Variants in GSE1 observed in about 807,000 individuals in gnomAD.
The protein encoded by GSE1 is Gse1 coiled-coil protein.
A neutral mutation model predicts 112.6 loss-of-function variants in GSE1; 32 were observed. The observed-to-expected ratio is 0.28, with a 90% CI of 0.21 to 0.38. The LOEUF (loss-of-function observed/expected upper bound fraction) is 0.38. GSE1 is among the 10% of genes least tolerant of loss of function. GSE1 has a pLI of 1.00. For synonymous variants in GSE1, 1,115 were observed against 735.6 expected (o/e 1.52, Z -8.35); for missense variants, 2,348 against 1,699.2 (o/e 1.38, Z -6.71).
intron 1 of GSE1, among the ~76,000 whole-genome samples, chr16:85,177,716 A>G (rs550693508): frequency 5.0e-4 from 76 of 152,298 alleles, no homozygotes; most frequent in African/African-American, 1.7e-3. Flanking sequence ...GAACGGGAGC[A>G]TGACTTCATC....
chr16:85,289,403 T>A (rs2045138856), intron 1 of GSE1, among the ~76,000 whole-genome samples: 1 of 152,168 alleles, frequency 6.6e-6, no homozygotes, highest in Admixed American at 6.5e-5. Context: ...CCTGACACAC[T>A]CGTGTCCAGG....
At chr16:85,169,687 G>A (rs1355789436) in exon 1 of GSE1, 13 of 983,258 alleles carry the variant, frequency 1.3e-5, no homozygotes, top group Non-Finnish European at 1.6e-5. Flanking sequence ...GGCGGGCGCG[G>A]GGACCCCGGC....
At chr16:85,356,500 T>C (rs1237109487) in intron 1 of GSE1, among the ~76,000 whole-genome samples, 1 of 152,176 alleles carries the variant, frequency 6.6e-6, no homozygotes, top group Non-Finnish European at 1.5e-5. Context: ...CTAGAAGAAA[T>C]ATCTGTGTTA....
At chr16:85,332,374 G>T (rs909308332) in intron 1 of GSE1, among the ~76,000 whole-genome samples, 1 of 152,176 alleles carries the variant, frequency 6.6e-6, no homozygotes, top group African/African-American at 2.4e-5. Context: ...TGCACTGCAG[G>T]TGCTTTGTCC....
intron 1 of GSE1, among the ~76,000 whole-genome samples, chr16:85,620,577 C>T (rs969373780): frequency 6.6e-6 from 1 of 152,238 alleles, no homozygotes; most frequent in African/African-American, 2.4e-5. Flanking sequence ...CCGATCCACG[C>T]GGTCGTCTCT....
intron 1 of GSE1, among the ~76,000 whole-genome samples, chr16:85,326,719 G>C (rs1417016091): frequency 6.6e-6 from 1 of 152,178 alleles, no homozygotes. Flanking sequence ...AGCAGCGTGA[G>C]AACAGACTAA....
intron 2 of GSE1, among the ~76,000 whole-genome samples, chr16:85,471,231 GT>G (rs1333440052): frequency 2.0e-5 from 3 of 152,190 alleles, no homozygotes; most frequent in Non-Finnish European, 4.4e-5. Flanking sequence ...GTGGGGGCAG[GT>G]CCCCAGCTCC....
chr16:85,649,033 C>A (rs185698657), intron 3 of GSE1, among the ~76,000 whole-genome samples: 17 of 152,268 alleles, frequency 1.1e-4, no homozygotes, highest in African/African-American at 3.6e-4. Context: ...CACAAGTTCA[C>A]AATCCGGGGG....
At chr16:85,589,941 G>T (rs1247124657) in intron 1 of GSE1, among the ~76,000 whole-genome samples, 2 of 152,132 alleles carry the variant, frequency 1.3e-5, no homozygotes, top group East Asian at 3.8e-4. Flanking sequence ...GAACGTGTGT[G>T]ACATTGTGGG....
chr16:85,465,083 C>T (rs537936412), intron 2 of GSE1, among the ~76,000 whole-genome samples: 1 of 152,252 alleles, frequency 6.6e-6, no homozygotes, highest in Non-Finnish European at 1.5e-5. Context: ...GGTCACGCCC[C>T]CAGCCAGCCA....
chr16:85,463,296 A>G (rs1376096088), intron 2 of GSE1, among the ~76,000 whole-genome samples: 1 of 152,140 alleles, frequency 6.6e-6, no homozygotes, highest in Non-Finnish European at 1.5e-5. Flanking sequence ...CCGCCTCCTC[A>G]TGCTGTCAAC....
intron 1 of GSE1, among the ~76,000 whole-genome samples, chr16:85,198,456 G>A (rs1452997247): frequency 2.0e-5 from 3 of 152,162 alleles, no homozygotes; most frequent in African/African-American, 7.2e-5. Context: ...GTCCCCGGCT[G>A]CCAGGAGCTG....
At chr16:85,609,293 C>CAGTG (rs2151522908), upstream of GSE1, among the ~76,000 whole-genome samples, 1 of 152,362 alleles carries the variant, frequency 6.6e-6, no homozygotes, top group South Asian at 2.1e-4. Flanking sequence ...AGCTGGAGTG[C>CAGTG]AGTGGCACAA....
chr16:85,525,175 G>A (rs1450557773), intron 2 of GSE1, among the ~76,000 whole-genome samples: 1 of 152,150 alleles, frequency 6.6e-6, no homozygotes, highest in Non-Finnish European at 1.5e-5. Context: ...CCGGCCCAGT[G>A]GTTTCATCAG....
intron 2 of GSE1, among the ~76,000 whole-genome samples, chr16:85,395,155 G>C (rs747349042): frequency 5.3e-5 from 8 of 152,108 alleles, no homozygotes; most frequent in Non-Finnish European, 1.2e-4. Context: ...GGGGCAAGCT[G>C]GGGTAGGCCT....
At position 85,648,746 on chromosome 16, in the gene GSE1, C is replaced by A. The variant is rs779863020; in HGVS notation, c.421C>A (p.Arg141=). The A allele has an allele frequency of 1.3e-5, 21 of 1,578,874 alleles. No individual in the cohort carries two copies. Among genetic ancestry groups the A allele is most frequent in the African/African-American group, 1.4e-5 (1 of 73,346 alleles). The part of the protein sequence containing the change: ...TVNGVWRSES[R]QDAGSRSSSG... The stretch of plus-strand genomic sequence containing the variant: ...GAATGGTGTCTGGAGGAGTGAGAGC[C>A]GGCAGGTGAGTGGGGCGGGGCAGGG... Residue 141 remains arginine, a synonymous_variant, in exon 3 of 16, where the codon CGG becomes AGG. Coordinates refer to ENST00000253458, the MANE Select transcript of GSE1 (RefSeq NM_014615.5).
At chr16:85,465,987 G>T (rs553658709) in intron 2 of GSE1, among the ~76,000 whole-genome samples, 1 of 152,222 alleles carries the variant, frequency 6.6e-6, no homozygotes, top group African/African-American at 2.4e-5. Context: ...CCTTAAAATT[G>T]TTTCCAAGTC....
rs554176508 is a variant in GSE1 at position 85,497,056 on chromosome 16, G to C, written c.2465-136858G>C. Among the ~76,000 whole-genome samples the C allele has an allele frequency of 2.6e-5, 4 of 152,184 alleles. No homozygotes were observed. The East Asian group carries it at 5.8e-4, about 22-fold the overall frequency. The stretch of plus-strand genomic sequence containing the variant: ...TGGGATCACAGGCACGTGCCACCAC[G>C]CCCCGCTAAGTTTTGTATTTTTAGT... On this transcript the variant is annotated intron_variant, in intron 2 of 2. Coordinates refer to the GSE1 transcript ENST00000637419.
rs1474798708 is a variant in GSE1 at position 85,435,897 on chromosome 16, A to G, written c.2464+78254A>G. 2.0e-5 allele frequency among the ~76,000 whole-genome samples: 3 copies of G among 152,104 alleles called. No individual in the cohort carries two copies. In the East Asian group the frequency reaches 5.8e-4, roughly 29 times the overall value. On this transcript the variant is annotated intron_variant, in intron 2 of 2. Transcript: ENST00000637419. ...TCCCCAGGCAGGAAGCTGAGGCCAC[A>G]GGGGACTTGTGTGTGCCTAAGTCCT... is the stretch of plus-strand genomic sequence containing the variant.
Sources: gnomAD v4.1 joint callset for allele counts (sites outside exome capture counted in the v4.1 genomes callset) on GRCh38, gnomAD v4.1.1 for gene constraint, MANE v1.5 for transcripts, NCBI Gene and HGNC (gene_info 2026-07-23, HGNC 2026-07-21) for gene names.